Variants in PTCD2 observed in about 807,000 individuals in gnomAD.
PTCD2 encodes the protein pentatricopeptide repeat domain 2.
PTCD2 carries 31 observed loss-of-function variants against 42.6 expected under a neutral mutation model. The ratio of observed to expected loss-of-function variants is 0.73; its 90% confidence interval spans 0.55 to 0.98. The LOEUF (loss-of-function observed/expected upper bound fraction) is 0.98. PTCD2 is among the 50% of genes least tolerant of loss of function. PTCD2 has a pLI of 0.00. For synonymous variants in PTCD2, 183 were observed against 170.9 expected, an observed-to-expected ratio of 1.07 and a Z score of -0.55; for missense variants, 476 against 454.8, an observed-to-expected ratio of 1.05 and a Z score of -0.42.
rs1463848550 is a variant in PTCD2, at chr5:72,365,231, C to T, written c.*6804C>T. On this transcript the variant is annotated 3_prime_UTR_variant, in exon 10 of 10. Transcript: ENST00000380639. Reference sequence around the variant, plus strand: ...GGGGCCTCTGAGATGGCCTGCAAGGCATCACGGTCTGTGAACTGGTCTGTG... The same window carrying T: ...GGGGCCTCTGAGATGGCCTGCAAGGTATCACGGTCTGTGAACTGGTCTGTG... The T allele has an allele frequency of 1.3e-5, 2 of 152,310 alleles. No individual in the cohort carries two copies. The highest frequency in any genetic ancestry group is 4.8e-5 in the African/African-American group (2 of 41,456). 9.4% of individuals were successfully genotyped at this position (152,310 alleles called of 1,614,324 possible).
intron 8 of PTCD2, among the ~76,000 whole-genome samples, chr5:72,349,536 G>A (rs949384159): frequency 6.6e-6 from 1 of 152,010 alleles, no homozygotes; most frequent in Non-Finnish European, 1.5e-5. Context: ...AAAGAAACAA[G>A]AAATGTAAAT....
chr5:72,320,573 A>C (rs1331658947), intron 1 of PTCD2, 64 bp downstream of exon 1: 13 of 1,602,070 alleles, frequency 8.1e-6, no homozygotes, highest in Non-Finnish European at 1.1e-5. Flanking sequence ...GTTAGATCCC[A>C]GCTAGCATCT....
At chr5:72,329,439 C>G (rs1483910658) in intron 3 of PTCD2, among the ~76,000 whole-genome samples, 1 of 152,148 alleles carries the variant, frequency 6.6e-6, no homozygotes, top group African/African-American at 2.4e-5. Context: ...GATTTTAGAC[C>G]CTCTTGAACA....
In PTCD2 at chr5:72,358,585, G is replaced by A. The variant is rs1179963359; in HGVS notation, c.*158G>A. On this transcript the variant is annotated 3_prime_UTR_variant, in exon 10 of 10. Transcript: ENST00000380639. ...ACTGAATGGTACCATGCCGATCTCT[G>A]AGAAGTTATGTTGCACCACTGTGAA... 2 of 622,788 alleles carry A rather than the reference G, an allele frequency of 3.2e-6. No individual in the cohort carries two copies. Among genetic ancestry groups the A allele is most frequent in the Non-Finnish European group, 2.8e-6 (1 of 351,642 alleles). The allele number at this position is 622,788 out of a possible 1,614,324, so 38.6% of individuals were successfully genotyped here.
chr5:72,338,314 G>A (rs1052834876), intron 6 of PTCD2, among the ~76,000 whole-genome samples: 2 of 152,076 alleles, frequency 1.3e-5, no homozygotes, highest in Non-Finnish European at 2.9e-5. Flanking sequence ...CATAAATTAT[G>A]GGGTCTTTGT....
chr5:72,343,185 C>G, intron 8 of PTCD2, 149 bp downstream of exon 8: 1 of 431,996 alleles, frequency 2.3e-6, no homozygotes. Flanking sequence ...TATTGAATTC[C>G]TCTCTGAAAA....
At chr5:72,329,532 C>T (rs1751321523) in intron 3 of PTCD2, among the ~76,000 whole-genome samples, 1 of 152,156 alleles carries the variant, frequency 6.6e-6, no homozygotes, top group Non-Finnish European at 1.5e-5. Context: ...ATGTTAATGT[C>T]AAATCAGAAA....
At chr5:72,326,431 A>T (rs1196751936) in intron 2 of PTCD2, among the ~76,000 whole-genome samples, 181 bp from the exon 3 acceptor site, 2 of 152,186 alleles carry the variant, frequency 1.3e-5, no homozygotes, top group Admixed American at 1.3e-4. Context: ...CCTGTGACAG[A>T]TGCCATCTGC....
intron 1 of PTCD2, chr5:72,321,315 C>A (rs1010919803): frequency 6.6e-6 from 1 of 152,186 alleles, no homozygotes; most frequent in Admixed American, 6.5e-5. Context: ...AATTCCTTTT[C>A]TCTAGACAAC....
At chr5:72,343,523 T>C (rs1489404247) in intron 8 of PTCD2, among the ~76,000 whole-genome samples, 1 of 152,204 alleles carries the variant, frequency 6.6e-6, no homozygotes, top group African/African-American at 2.4e-5. Context: ...GTAAATGTTA[T>C]CTATTGTCAT....
At chr5:72,345,086 C>T (rs907563852) in intron 8 of PTCD2, among the ~76,000 whole-genome samples, 21 of 152,260 alleles carry the variant, frequency 1.4e-4, no homozygotes, top group Admixed American at 3.3e-4. Flanking sequence ...GGGAGCGCTA[C>T]GGGAGACTGG....
At chr5:72,340,804 T>C (rs1752010616) in intron 7 of PTCD2, among the ~76,000 whole-genome samples, 1 of 152,062 alleles carries the variant, frequency 6.6e-6, no homozygotes, top group Admixed American at 6.6e-5. Flanking sequence ...GTATGGAATA[T>C]TGGAGAAATC....
In PTCD2 at chr5:72,347,918, A is replaced by C. The variant is rs150652811; in HGVS notation, c.829-4723A>C. Among the ~76,000 whole-genome samples the C allele has an allele frequency of 3.4e-3, 521 of 152,260 alleles. 1 individual carries two copies. Among genetic ancestry groups the C allele is most frequent in the African/African-American group, 0.011 (467 of 41,552 alleles). On this transcript the variant is annotated intron_variant, in intron 8 of 9. Coordinates refer to ENST00000380639, the MANE Select transcript of PTCD2 (RefSeq NM_024754.5). ...AAAGTCAGCCTATGGATGCAGTGGA[A>C]TGGGCGTGTTTCAGGCAAGGACTCC... is the stretch of plus-strand genomic sequence containing the variant.
chr5:72,342,406 GA>G (rs2112188852), intron 7 of PTCD2, among the ~76,000 whole-genome samples: 1 of 152,352 alleles, frequency 6.6e-6, no homozygotes, highest in South Asian at 2.1e-4. Flanking sequence ...AGGATCCACG[GA>G]AGTTCTCTTT....
At chr5:72,325,601 G>A (rs9293273) in intron 2 of PTCD2, among the ~76,000 whole-genome samples, 27,816 of 152,094 alleles carry the variant, frequency 0.18, 2,674 homozygotes, top group East Asian at 0.33. Flanking sequence ...ATAAAAATTG[G>A]AAGAGCCACT....
intron 8 of PTCD2, among the ~76,000 whole-genome samples, chr5:72,350,618 G>T (rs573366766): frequency 6.6e-6 from 1 of 152,290 alleles, no homozygotes; most frequent in East Asian, 1.9e-4. Context: ...CCCAAAAAGG[G>T]TGTGCTCGTG....
chr5:72,323,090 C>T (rs764101201), intron 2 of PTCD2, among the ~76,000 whole-genome samples: 5 of 152,016 alleles, frequency 3.3e-5, no homozygotes, highest in Middle Eastern at 3.4e-3. Flanking sequence ...GTCTAAGGTG[C>T]AGTAAGCCAT....
intron 9 of PTCD2, among the ~76,000 whole-genome samples, chr5:72,354,338 T>C (rs1165762876): frequency 8.0e-6 from 1 of 125,190 alleles, no homozygotes; most frequent in East Asian, 2.6e-4. Flanking sequence ...GAGTCGAGAT[T>C]GCGCCACTGC....
intron 1 of PTCD2, among the ~76,000 whole-genome samples, chr5:72,321,910 A>G (rs1487877675): frequency 6.6e-6 from 1 of 152,188 alleles, no homozygotes; most frequent in Non-Finnish European, 1.5e-5. Context: ...GTCCCCACAC[A>G]GGTTTATCAC....
Sources: allele counts gnomAD v4.1 joint callset (sites outside exome capture counted in the v4.1 genomes callset), GRCh38; gene constraint gnomAD v4.1.1; transcripts MANE v1.5; gene names NCBI Gene and HGNC (gene_info 2026-07-23, HGNC 2026-07-21).